Variants in EYS observed in about 807,000 individuals in gnomAD.
EYS encodes protein eyes shut homolog.
A neutral mutation model predicts 282.1 loss-of-function variants in EYS; 250 were observed. That is an observed-to-expected ratio of 0.89 (90% CI 0.80 to 0.98). The LOEUF is 0.98. Ranked by LOEUF, EYS falls within the 50% of genes least tolerant of loss-of-function variation. EYS has a pLI of 0.00. For missense variants in EYS, 4,016 were observed against 3,709.0 expected, an observed-to-expected ratio of 1.08 and a Z score of -2.15; for synonymous variants, 1,355 against 1,282.9, an observed-to-expected ratio of 1.06 and a Z score of -1.20.
At chr6:65,106,284 TA>T (rs1179056347) in intron 12 of EYS, among the ~76,000 whole-genome samples, 4 of 152,022 alleles carry the variant, frequency 2.6e-5, no homozygotes, top group African/African-American at 7.2e-5. Flanking sequence ...ACATATATTA[TA>T]AAAATTTCTT....
chr6:65,082,970 C>T (rs954949846), intron 12 of EYS, among the ~76,000 whole-genome samples: 6 of 151,748 alleles, frequency 4.0e-5, no homozygotes, highest in African/African-American at 1.5e-4. Flanking sequence ...GTTTCAGAAG[C>T]GGCATATTGA....
At chr6:65,113,678 TGAAA>T (rs1261739305) in intron 12 of EYS, among the ~76,000 whole-genome samples, 2 of 150,870 alleles carry the variant, frequency 1.3e-5, no homozygotes, top group African/African-American at 2.5e-5. Flanking sequence ...TATTGTTGAA[TGAAA>T]GAAACAAACG....
chr6:65,123,694 C>A (rs1775631976), intron 12 of EYS, among the ~76,000 whole-genome samples: 1 of 151,652 alleles, frequency 6.6e-6, no homozygotes, highest in South Asian at 2.1e-4. Flanking sequence ...TGAAAAACTT[C>A]CAATTGGTGG....
At chr6:64,562,659 T>G (rs1195512923) in intron 26 of EYS, among the ~76,000 whole-genome samples, 2 of 151,948 alleles carry the variant, frequency 1.3e-5, no homozygotes, top group African/African-American at 4.8e-5. Flanking sequence ...TGGGAAGATT[T>G]AAGATTTTTC....
chr6:65,083,230 T>C (rs556070286), intron 12 of EYS, among the ~76,000 whole-genome samples: 24 of 152,138 alleles, frequency 1.6e-4, no homozygotes, highest in Non-Finnish European at 2.7e-4. Flanking sequence ...AGTCCTTCAA[T>C]AGAAGTCCTT....
intron 1 of EYS, among the ~76,000 whole-genome samples, chr6:65,658,638 G>A (rs1397806369): frequency 6.6e-6 from 1 of 151,596 alleles, no homozygotes; most frequent in African/African-American, 2.4e-5. Flanking sequence ...TTTGCTTAAT[G>A]GAAACATACT....
intron 12 of EYS, among the ~76,000 whole-genome samples, chr6:65,085,218 T>C (rs1282308234): frequency 6.6e-6 from 1 of 152,132 alleles, no homozygotes; most frequent in Non-Finnish European, 1.5e-5. Context: ...TTAATATTAA[T>C]CTTTTAGTGA....
intron 29 of EYS, among the ~76,000 whole-genome samples, chr6:64,381,178 CG>C (rs1470910697): frequency 3.9e-5 from 6 of 151,972 alleles, no homozygotes; most frequent in Non-Finnish European, 5.9e-5. Flanking sequence ...TTTATACTAA[CG>C]TTCTTTATAC....
intron 18 of EYS, among the ~76,000 whole-genome samples, chr6:64,890,869 A>G (rs937449680): frequency 6.6e-6 from 1 of 152,132 alleles, no homozygotes; most frequent in African/African-American, 2.4e-5. Context: ...TCTTCTAAGA[A>G]TGCTTTGCTT....
At chr6:64,321,447 A>G (rs1770217217) in intron 29 of EYS, among the ~76,000 whole-genome samples, 1 of 151,874 alleles carries the variant, frequency 6.6e-6, no homozygotes, top group African/African-American at 2.4e-5. Context: ...ATTTAGTCCT[A>G]TACTTTTTTA....
chr6:65,491,571 C>T (rs75523803), intron 4 of EYS: 8 of 434,290 alleles, frequency 1.8e-5, no homozygotes, highest in Non-Finnish European at 3.2e-5. Context: ...CTTTTTTCTT[C>T]ATTTGCCTCC....
chr6:64,362,754 A>C (rs936402516), intron 29 of EYS, among the ~76,000 whole-genome samples: 11 of 151,792 alleles, frequency 7.2e-5, no homozygotes, highest in African/African-American at 2.7e-4. Context: ...CTATAAAATA[A>C]TATGAAGTAA....
chr6:64,161,450 GT>G (rs1370697418), intron 31 of EYS, among the ~76,000 whole-genome samples: 1 of 152,136 alleles, frequency 6.6e-6, no homozygotes, highest in African/African-American at 2.4e-5. Flanking sequence ...AATACAAGTG[GT>G]ATATCTTGGG....
At chr6:63,917,340 C>T (rs1284168390) in intron 35 of EYS, among the ~76,000 whole-genome samples, 1 of 152,226 alleles carries the variant, frequency 6.6e-6, no homozygotes, top group African/African-American at 2.4e-5. Context: ...AATCTGCTCT[C>T]ACTGTAGTTA....
At chr6:64,128,479 A>G (rs1024624587) in intron 31 of EYS, among the ~76,000 whole-genome samples, 2 of 152,140 alleles carry the variant, frequency 1.3e-5, no homozygotes, top group Admixed American at 6.5e-5. Flanking sequence ...TCTAATTCTC[A>G]TAACATACAT....
intron 2 of EYS, among the ~76,000 whole-genome samples, chr6:65,511,948 G>T (rs1300652125): frequency 7.5e-6 from 1 of 133,548 alleles, no homozygotes; most frequent in Non-Finnish European, 1.5e-5. Flanking sequence ...TTATGCCACT[G>T]CACTCCAGCC....
intron 14 of EYS, among the ~76,000 whole-genome samples, chr6:64,964,351 A>G (rs1386513453): frequency 1.3e-5 from 2 of 152,124 alleles, no homozygotes; most frequent in Non-Finnish European, 2.9e-5. Flanking sequence ...GATATTCAGC[A>G]TTCCTTATTC....
chr6:63,836,970 A>G (rs967824372), intron 36 of EYS, among the ~76,000 whole-genome samples: 1 of 151,876 alleles, frequency 6.6e-6, no homozygotes, highest in East Asian at 1.9e-4. Flanking sequence ...TGAAAAGAAT[A>G]TTTTTTCTCC....
chr6:65,467,679 G>A (rs926214664), intron 5 of EYS, among the ~76,000 whole-genome samples: 1 of 151,868 alleles, frequency 6.6e-6, no homozygotes, highest in African/African-American at 2.4e-5. Context: ...ATTAATTTAA[G>A]CCAAATTAAA....
Sources: allele counts gnomAD v4.1 joint callset (sites outside exome capture counted in the v4.1 genomes callset), GRCh38; gene constraint gnomAD v4.1.1; transcripts MANE v1.5; gene names NCBI Gene and HGNC (gene_info 2026-07-23, HGNC 2026-07-21).